DUSP10: variants seen among roughly 807,000 people sequenced by gnomAD.
DUSP10 encodes the protein dual specificity protein phosphatase 10.
Under a neutral mutation model 30.8 loss-of-function variants are expected in DUSP10, and 14 were observed. The observed-to-expected ratio is 0.46, with a 90% CI of 0.30 to 0.71. The LOEUF (loss-of-function observed/expected upper bound fraction) is 0.71. DUSP10 is among the 30% of genes least tolerant of loss of function. DUSP10 has a pLI of 0.08. For synonymous variants in DUSP10, 254 were observed against 250.4 expected (o/e 1.01, Z -0.14); for missense variants, 550 against 619.4 (o/e 0.89, Z 1.19).
At position 221,706,156 on chromosome 1, in the gene DUSP10, T is replaced by C. The variant is rs1283422582; in HGVS notation, c.1122A>G (p.Pro374=). The C allele has an allele frequency of 1.2e-6, 2 of 1,614,146 alleles. No individual in the cohort carries two copies. Among genetic ancestry groups the C allele is most frequent in the Admixed American group, 1.7e-5 (1 of 60,020 alleles). Reference sequence around the variant, plus strand: ...GGTTCTGCTTGTTGCTGTCAGTGGCTGGCAGCCGCTTGTAGTTGAACAGGC... The same window carrying C: ...GGTTCTGCTTGTTGCTGTCAGTGGCCGGCAGCCGCTTGTAGTTGAACAGGC... ...EKGLFNYKRL[P]ATDSNKQNLR... is the part of the protein sequence containing the mutation. The change falls in exon 3 of 4, where the codon CCA becomes CCG. Residue 374 remains proline (P), a synonymous_variant. Coordinates refer to ENST00000366899, the MANE Select transcript of DUSP10 (RefSeq NM_007207.6). This position sits in a 1 kb window ranked among gnomAD's most constrained non-coding sequence, Gnocchi z 4.6.
chr1:221,739,648 C>G lies in DUSP10; in HGVS notation c.97G>C (p.Gly33Arg). Residue 33 changes from glycine to arginine, a missense_variant, in exon 2 of 4, where the codon GGC becomes CGC. Gly to Arg is a moderately radical substitution (Grantham distance 125). Transcript: ENST00000366899. ...CTGTTACTGCCTGGGTTGGCAGAGC[C>G]AAGGTAACTAGAGTCTAAACAAAGG... ...LNLCLDSSYL[G>R]SANPGSNSHP... The G allele has an allele frequency of 6.2e-7, 1 of 1,614,094 alleles. No individual in the cohort carries two copies. Among genetic ancestry groups the G allele is most frequent in the Non-Finnish European group, 8.5e-7 (1 of 1,179,996 alleles).
At chr1:221,720,797 G>A (rs1317673199) in intron 2 of DUSP10, among the ~76,000 whole-genome samples, 1 of 152,162 alleles carries the variant, frequency 6.6e-6, no homozygotes, top group Non-Finnish European at 1.5e-5. Flanking sequence ...AGTCTTCCCT[G>A]ACATTCAATT....
intron 2 of DUSP10, among the ~76,000 whole-genome samples, chr1:221,722,813 CA>C (rs1296208819): frequency 6.6e-6 from 1 of 152,108 alleles, no homozygotes; most frequent in African/African-American, 2.4e-5. Flanking sequence ...AGACAAGAGG[CA>C]GTGTCTATTT....
chr1:221,732,610 C>T (rs1292734006), intron 2 of DUSP10, among the ~76,000 whole-genome samples: 1 of 152,148 alleles, frequency 6.6e-6, no homozygotes, highest in Non-Finnish European at 1.5e-5. Context: ...ATCTGTTGAA[C>T]CTGGCAAGAC....
At chr1:221,736,730 G>T in intron 2 of DUSP10, 5 of 880,522 alleles carry the variant, frequency 5.7e-6, no homozygotes, top group Non-Finnish European at 6.8e-6. Flanking sequence ...ATACCAAAAT[G>T]ATAATGATAA....
chr1:221,718,464 A>G (rs1467768321), intron 2 of DUSP10, among the ~76,000 whole-genome samples: 5 of 152,160 alleles, frequency 3.3e-5, no homozygotes, highest in African/African-American at 4.8e-5. Context: ...AAGGAGGGGG[A>G]AAAATCCATG....
At chr1:221,736,391 C>A (rs377241161) in intron 2 of DUSP10, among the ~76,000 whole-genome samples, 2 of 152,172 alleles carry the variant, frequency 1.3e-5, no homozygotes, top group Non-Finnish European at 2.9e-5. Context: ...CCCCTCCCAC[C>A]AACTTCCCTG....
rs1382374871 is a variant in DUSP10 at position 221,739,273 on chromosome 1, T to G, written c.472A>C (p.Lys158Gln). The change falls in exon 2 of 4, where the codon AAG becomes CAG. Residue 158 changes from lysine to glutamine, a missense_variant. Physicochemically the swap from Lys to Gln is moderately conservative, Grantham distance 53. Transcript: ENST00000366899. Reference sequence around the variant, plus strand: ...TGACTCTTGCTGCATTTGGTCATCTTCTTTGCCAAGTCATTGGGGTAGATT... The same window carrying G: ...TGACTCTTGCTGCATTTGGTCATCTGCTTTGCCAAGTCATTGGGGTAGATT... ...KIIYPNDLAK[K>Q]MTKCSKSHLP... 1 of 1,614,228 alleles carries G rather than the reference T, an allele frequency of 6.2e-7. No individual in the cohort carries two copies. The highest frequency in any genetic ancestry group is 1.1e-5 in the South Asian group (1 of 91,088).
At chr1:221,735,698 G>A (rs1176649768) in intron 2 of DUSP10, among the ~76,000 whole-genome samples, 1 of 152,036 alleles carries the variant, frequency 6.6e-6, no homozygotes, top group East Asian at 1.9e-4. Context: ...GGCATATACT[G>A]TCTTTAAGAA....
chr1:221,727,218 C>A (rs1661448814), intron 2 of DUSP10, among the ~76,000 whole-genome samples: 1 of 152,198 alleles, frequency 6.6e-6, no homozygotes, highest in African/African-American at 2.4e-5. Flanking sequence ...AAGGGAGCAT[C>A]AGCCGGCTCA....
At chr1:221,727,530 T>C (rs1661459681) in intron 2 of DUSP10, among the ~76,000 whole-genome samples, 2 of 152,234 alleles carry the variant, frequency 1.3e-5, no homozygotes, top group South Asian at 2.1e-4. Flanking sequence ...TGTAACACCA[T>C]GTTCTTTGAA....
At chr1:221,726,719 A>C (rs1036007565) in intron 2 of DUSP10, among the ~76,000 whole-genome samples, 48 of 148,738 alleles carry the variant, frequency 3.2e-4, no homozygotes, top group African/African-American at 1.2e-3. Flanking sequence ...AAAAAAAAAA[A>C]CCCTATGTAG....
At position 221,701,730 on chromosome 1, in the gene DUSP10, C is replaced by A. The variant is rs971521859; in HGVS notation, c.*682G>T. 2.6e-5 allele frequency: 4 copies of A among 151,134 alleles called. No individual in the cohort carries two copies. Among genetic ancestry groups the A allele is most frequent in the Admixed American group, 2.6e-4 (4 of 15,162 alleles). 9.4% of individuals were successfully genotyped at this position (151,134 alleles called of 1,614,324 possible). A position where few individuals can be genotyped will look rare whatever the true frequency, so the allele number is the denominator to read the frequency against. On this transcript the variant is annotated 3_prime_UTR_variant, in exon 4 of 4. Transcript: ENST00000366899. ...TAACTTGTTTGCACACTTAAAACAT[C>A]ATATTATTGCACAAGAAGCCAGTGA...
At chr1:221,727,874 C>A (rs1354967847) in intron 2 of DUSP10, among the ~76,000 whole-genome samples, 2 of 152,098 alleles carry the variant, frequency 1.3e-5, no homozygotes, top group East Asian at 3.8e-4. Flanking sequence ...TTTGGGGTGA[C>A]CTTACTGCTA....
intron 2 of DUSP10, among the ~76,000 whole-genome samples, chr1:221,726,749 GA>G (rs1661436939): frequency 7.1e-6 from 1 of 141,394 alleles, no homozygotes; most frequent in East Asian, 2.0e-4. Flanking sequence ...CACCCCAAAA[GA>G]AACACTGGGT....
intron 2 of DUSP10, among the ~76,000 whole-genome samples, chr1:221,732,267 A>G (rs1457872372): frequency 6.6e-6 from 1 of 152,246 alleles, no homozygotes; most frequent in African/African-American, 2.4e-5. Flanking sequence ...TAGAAGCCTA[A>G]GATGGTTGGG....
chr1:221,740,872 G>A (rs776427469), intron 1 of DUSP10, among the ~76,000 whole-genome samples: 12 of 152,214 alleles, frequency 7.9e-5, no homozygotes, highest in Non-Finnish European at 1.6e-4. Context: ...GTAGGCACAG[G>A]GGCACTCTAC....
chr1:221,727,513 A>C (rs1382025922), intron 2 of DUSP10, among the ~76,000 whole-genome samples: 1 of 152,234 alleles, frequency 6.6e-6, no homozygotes, highest in Non-Finnish European at 1.5e-5. Context: ...AACATCTCTC[A>C]CAATTCTGTA....
chr1:221,730,185 T>G (rs879607522), intron 2 of DUSP10, among the ~76,000 whole-genome samples: 1 of 152,130 alleles, frequency 6.6e-6, no homozygotes, highest in Admixed American at 6.6e-5. Flanking sequence ...ATACAAAGAA[T>G]GTGAGATTAT....
Sources: gnomAD v4.1 joint callset for allele counts (sites outside exome capture counted in the v4.1 genomes callset) on GRCh38, gnomAD v4.1.1 for gene constraint, Gnocchi (gnomAD v3.1) non-coding constraint, MANE v1.5 for transcripts, NCBI Gene and HGNC (gene_info 2026-07-23, HGNC 2026-07-21) for gene names.